SAR1B: variants seen among roughly 807,000 people sequenced by gnomAD.
SAR1B encodes small COPII coat GTPase SAR1B.
A neutral mutation model predicts 26.8 loss-of-function variants in SAR1B; 23 were observed. The observed-to-expected ratio is 0.86, with a 90% CI of 0.62 to 1.22. The LOEUF is 1.22. Among genes scored for constraint, SAR1B ranks in the 50% most tolerant of loss-of-function variants. The pLI is 0.00. For missense variants in SAR1B, 196 were observed against 232.8 expected (o/e 0.84, Z 1.03); for synonymous variants, 65 against 80.8 (o/e 0.80, Z 1.05).
At chr5:134,629,885 CAA>C (rs769758227) in intron 1 of SAR1B, among the ~76,000 whole-genome samples, 15 of 71,986 alleles carry the variant, frequency 2.1e-4, no homozygotes, top group Admixed American at 3.1e-4. Context: ...CATTCTGTCT[CAA>C]AAAAAAAAAA....
chr5:134,607,574 A>C lies in SAR1B; in HGVS notation c.481-508T>G, dbSNP rs112683670. Among the ~76,000 whole-genome samples, 557 of 152,180 alleles carry C rather than the reference A, an allele frequency of 3.7e-3. 3 individuals carry two copies. The highest frequency in any genetic ancestry group is 0.013 in the African/African-American group (533 of 41,518). On this transcript the variant is annotated intron_variant, in intron 6 of 6. Coordinates refer to ENST00000402673, the MANE Select transcript of SAR1B (RefSeq NM_016103.4). The stretch of plus-strand genomic sequence containing the variant: ...GATCACCTGAGGTCAGGAGTTCGAG[A>C]CCAGACTGACCAACATGGAGAAACC...
chr5:134,603,044 T>C lies in SAR1B; in HGVS notation c.*3906A>G, dbSNP rs549944741. The C allele has an allele frequency of 1.1e-4, 17 of 152,360 alleles. No individual in the cohort carries two copies. The East Asian group carries it at 3.3e-3, about 29-fold the overall frequency. The allele number at this position is 152,360 out of a possible 1,614,324, so 9.4% of individuals were successfully genotyped here. A position where few individuals can be genotyped will look rare whatever the true frequency, so the allele number is the denominator to read the frequency against. On this transcript the variant is annotated 3_prime_UTR_variant, in exon 7 of 7. Coordinates refer to ENST00000402673, the MANE Select transcript of SAR1B (RefSeq NM_016103.4). Reference sequence around the variant, plus strand: ...AATTTTGCATTAAGAAACTTATGTTTGCTAATTTCTATTTTTTCATTGTTT... The same window carrying C: ...AATTTTGCATTAAGAAACTTATGTTCGCTAATTTCTATTTTTTCATTGTTT...
intron 3 of SAR1B, chr5:134,613,904 T>C (rs1235170118): frequency 6.6e-6 from 1 of 152,284 alleles, no homozygotes; most frequent in African/African-American, 2.4e-5. Context: ...TCAGTCACTT[T>C]TCTCTCTGTG....
chr5:134,613,640 TG>T (rs1440554440), intron 3 of SAR1B: 8 of 152,254 alleles, frequency 5.3e-5, no homozygotes, highest in African/African-American at 1.9e-4. Flanking sequence ...TTATTTGCTA[TG>T]AATTCAAATA....
intron 2 of SAR1B, among the ~76,000 whole-genome samples, chr5:134,623,133 A>AG (rs1467878882): frequency 1.3e-5 from 2 of 150,264 alleles, no homozygotes; most frequent in Non-Finnish European, 3.0e-5. Flanking sequence ...AAAAAAAAAA[A>AG]AAAGAAAAAG....
intron 4 of SAR1B, among the ~76,000 whole-genome samples, chr5:134,612,125 GT>G (rs1355412132): frequency 2.0e-5 from 3 of 151,928 alleles, no homozygotes; most frequent in Non-Finnish European, 4.4e-5. Flanking sequence ...AGGTTTTTTT[GT>G]TTTGTTTTGT....
At chr5:134,609,290 G>A (rs557740939) in intron 5 of SAR1B, among the ~76,000 whole-genome samples, 1 of 152,158 alleles carries the variant, frequency 6.6e-6, no homozygotes, top group African/African-American at 2.4e-5. Flanking sequence ...GAATATAACA[G>A]ACATGAAATA....
At position 134,605,979 on chromosome 5, in the gene SAR1B, T is replaced by G. The variant is rs1765120818; in HGVS notation, c.*971A>C. The G allele has an allele frequency of 6.6e-6, 1 of 152,202 alleles. No individual in the cohort carries two copies. The highest frequency in any genetic ancestry group is 2.1e-4 in the South Asian group (1 of 4,826). 9.4% of individuals were successfully genotyped at this position (152,202 alleles called of 1,614,324 possible). ...CAGAGACTGGGAATATATCTAAATG[T>G]GGAGACACTGGTGCCTGTCATTGCT... On this transcript the variant is annotated 3_prime_UTR_variant, in exon 7 of 7. Coordinates refer to ENST00000402673, the MANE Select transcript of SAR1B (RefSeq NM_016103.4).
At chr5:134,616,935 A>G (rs1765326007) in intron 3 of SAR1B, among the ~76,000 whole-genome samples, 1 of 152,158 alleles carries the variant, frequency 6.6e-6, no homozygotes, top group African/African-American at 2.4e-5. Context: ...GGCTATTACA[A>G]ATAAAATTAG....
Position 134,630,925 on chromosome 5 carries a change from A to G in SAR1B, c.-19+1803T>C, listed in dbSNP as rs115863644. On this transcript the variant is annotated intron_variant, in intron 1 of 6. Coordinates refer to ENST00000402673, the MANE Select transcript of SAR1B (RefSeq NM_016103.4). Reference sequence around the variant, plus strand: ...TTTTTTTTTTTTTTTTTTAGCAACAATGTCTTTTTCTTTCACCCAGGCTGG... The same window carrying G: ...TTTTTTTTTTTTTTTTTTAGCAACAGTGTCTTTTTCTTTCACCCAGGCTGG... 9.1e-3 allele frequency among the ~76,000 whole-genome samples: 439 copies of G among 48,260 alleles called. 4 individuals are homozygous for G. The highest frequency in any genetic ancestry group is 0.037 in the African/African-American group (425 of 11,382). 31.7% of individuals were successfully genotyped at this position (48,260 alleles called of 152,430 possible). A position where few individuals can be genotyped will look rare whatever the true frequency, so the allele number is the denominator to read the frequency against.
chr5:134,629,228 C>T (rs940876226), intron 1 of SAR1B, among the ~76,000 whole-genome samples: 7 of 145,972 alleles, frequency 4.8e-5, no homozygotes, highest in Non-Finnish European at 7.5e-5. Context: ...TTCAGACCAA[C>T]CTGGGAAACA....
Position 134,609,584 on chromosome 5 carries a change from T to C in SAR1B, c.335A>G (p.Lys112Arg). 6.2e-7 allele frequency: 1 copy of C among 1,613,606 alleles called. No homozygotes were observed. Among genetic ancestry groups the C allele is most frequent in the Non-Finnish European group, 8.5e-7 (1 of 1,179,508 alleles). Residue 112 changes from lysine to arginine, a missense_variant, in exon 5 of 7, where the codon AAA (lysine) becomes AGA (arginine). Transcript: ENST00000402673. ...TATTTAACTTACATCAAGTTCTTCTTTTGACTCTAACAGCCTTTCGTGGTC... is the reference window on the plus strand; with the variant it reads ...TATTTAACTTACATCAAGTTCTTCTCTTGACTCTAACAGCCTTTCGTGGTC... ...CADHERLLESKEELDSLMTDE... is the reference protein window; with the variant it reads ...CADHERLLESREELDSLMTDE...
At chr5:134,619,624 A>T (rs1264156765) in intron 3 of SAR1B, among the ~76,000 whole-genome samples, 2 of 151,982 alleles carry the variant, frequency 1.3e-5, no homozygotes, top group Non-Finnish European at 2.9e-5. Flanking sequence ...TCAGCCTCCC[A>T]AAGTGCTGGG....
intron 1 of SAR1B, among the ~76,000 whole-genome samples, chr5:134,627,071 G>A (rs76141627): frequency 6.8e-6 from 1 of 147,974 alleles, no homozygotes; most frequent in Non-Finnish European, 1.5e-5. Context: ...TTTTTTTTTT[G>A]AGACAGAGTC....
chr5:134,623,931 A>G (rs769703606), intron 2 of SAR1B, 31 bp downstream of exon 2: 1 of 1,448,816 alleles, frequency 6.9e-7, no homozygotes, highest in East Asian at 2.3e-5. Flanking sequence ...ACCAAAGGGG[A>G]TAACTGTAGA....
chr5:134,612,922 T>A (rs1765244496), intron 3 of SAR1B, 166 bp from the exon 4 acceptor site: 3 of 618,502 alleles, frequency 4.9e-6, no homozygotes, highest in East Asian at 2.9e-5. Flanking sequence ...GCTAACATTC[T>A]TAAATATCTG....
intron 2 of SAR1B, 41 bp from the exon 3 acceptor site, chr5:134,621,093 T>C (rs748544179): frequency 6.2e-7 from 1 of 1,600,962 alleles, no homozygotes; most frequent in South Asian, 1.1e-5. Context: ...TGATATCTGA[T>C]ACTAATTATC....
At chr5:134,610,774 A>G (rs767512301) in intron 4 of SAR1B, among the ~76,000 whole-genome samples, 3 of 151,970 alleles carry the variant, frequency 2.0e-5, no homozygotes, top group African/African-American at 4.8e-5. Flanking sequence ...AAATTGTTTT[A>G]CTCAGAAAAG....
chr5:134,625,610 G>C (rs1274641286), intron 1 of SAR1B, among the ~76,000 whole-genome samples: 5 of 152,290 alleles, frequency 3.3e-5, no homozygotes, highest in African/African-American at 1.2e-4. Flanking sequence ...TGCCAGCAAA[G>C]TGGAAGAGAA....
Sources: gnomAD v4.1 joint callset for allele counts (sites outside exome capture counted in the v4.1 genomes callset) on GRCh38, gnomAD v4.1.1 for gene constraint, MANE v1.5 for transcripts, NCBI Gene and HGNC (gene_info 2026-07-23, HGNC 2026-07-21) for gene names.